Variants in DRAM1 observed in about 807,000 individuals in gnomAD.
DRAM1 encodes the protein DNA damage regulated autophagy modulator 1.
A neutral mutation model predicts 28.5 loss-of-function variants in DRAM1; 25 were observed. The observed-to-expected ratio is 0.88, with a 90% confidence interval of 0.64 to 1.23. The LOEUF is 1.23. DRAM1 is among the 50% of genes most tolerant of loss of function. DRAM1 has a pLI of 0.00. For synonymous variants in DRAM1, 113 were observed against 114.2 expected (o/e 0.99, Z 0.07); for missense variants, 249 against 299.2 (o/e 0.83, Z 1.24).
Position 101,921,304 on chromosome 12 carries a change from T to G in DRAM1, c.*44T>G. On this transcript the variant is annotated 3_prime_UTR_variant, in exon 7 of 7. Transcript: ENST00000258534. Reference sequence around the variant, plus strand: ...TCACTCAGTGAATGTCGCAGGCCATTTCTAAAAGTGCTACAGAGGACAGAC... The same window carrying G: ...TCACTCAGTGAATGTCGCAGGCCATGTCTAAAAGTGCTACAGAGGACAGAC... 6.5e-7 allele frequency: 1 copy of G among 1,530,414 alleles called. No individual in the cohort carries two copies. The highest frequency in any genetic ancestry group is 9.1e-7 in the Non-Finnish European group (1 of 1,104,022). The allele number at this position is 1,530,414 out of a possible 1,614,324, so 94.8% of individuals were successfully genotyped here. A position where few individuals can be genotyped will look rare whatever the true frequency, so the allele number is the denominator to read the frequency against.
intron 1 of DRAM1, among the ~76,000 whole-genome samples, chr12:101,896,642 C>A (rs1193411617): frequency 6.6e-6 from 1 of 152,080 alleles, no homozygotes; most frequent in Non-Finnish European, 1.5e-5. Context: ...TTTTCCAACT[C>A]ATTTAATTAA....
At chr12:101,914,103 A>G (rs1244640391) in intron 4 of DRAM1, 71 bp from the exon 5 acceptor site, 3 of 937,686 alleles carry the variant, frequency 3.2e-6, no homozygotes, top group Non-Finnish European at 4.7e-6. Flanking sequence ...TGTTATTAGG[A>G]GAATAATGTA....
At chr12:101,893,721 T>A (rs954878419) in intron 1 of DRAM1, among the ~76,000 whole-genome samples, 1 of 152,016 alleles carries the variant, frequency 6.6e-6, no homozygotes, top group African/African-American at 2.4e-5. Flanking sequence ...CACCTAATGG[T>A]GCCTGGTGGG....
chr12:101,885,288 A>G (rs1403615306), intron 1 of DRAM1, among the ~76,000 whole-genome samples: 2 of 152,192 alleles, frequency 1.3e-5, no homozygotes, highest in African/African-American at 2.4e-5. Context: ...CTTTAAAGAA[A>G]GTTTCCTTCT....
chr12:101,912,572 T>G (rs1874080900), intron 4 of DRAM1, among the ~76,000 whole-genome samples: 1 of 152,152 alleles, frequency 6.6e-6, no homozygotes, highest in African/African-American at 2.4e-5. Context: ...GAAACAGATG[T>G]GAGGTGATGA....
Position 101,903,158 on chromosome 12 carries a change from G to A in DRAM1, c.342+1725G>A, listed in dbSNP as rs943289986. ...GGTCTTGAACTCAAGTGATCTGCCTGCCTTGGCCTCCCAAAGTGCTGGGAT... is the reference window on the plus strand; with the variant it reads ...GGTCTTGAACTCAAGTGATCTGCCTACCTTGGCCTCCCAAAGTGCTGGGAT... On this transcript the variant is annotated intron_variant, in intron 3 of 6. Transcript: ENST00000258534. Among the ~76,000 whole-genome samples, 3 of 152,138 alleles carry A rather than the reference G, an allele frequency of 2.0e-5. No homozygotes were observed. The South Asian group carries it at 6.2e-4, about 31-fold the overall frequency.
intron 5 of DRAM1, among the ~76,000 whole-genome samples, chr12:101,915,785 C>T (rs909366582): frequency 6.6e-6 from 1 of 152,122 alleles, no homozygotes; most frequent in Admixed American, 6.6e-5. Context: ...TGGTCTTGAT[C>T]TCTGCACCTC....
At chr12:101,893,120 A>T (rs952657975) in intron 1 of DRAM1, among the ~76,000 whole-genome samples, 1 of 152,178 alleles carries the variant, frequency 6.6e-6, no homozygotes, top group African/African-American at 2.4e-5. Flanking sequence ...ATAGCATTTG[A>T]GGAGTTTCTA....
At chr12:101,906,043 C>G (rs1264980835) in intron 3 of DRAM1, among the ~76,000 whole-genome samples, 1 of 152,164 alleles carries the variant, frequency 6.6e-6, no homozygotes, top group African/African-American at 2.4e-5. Flanking sequence ...CTGCCTCAGC[C>G]TCCCAAAGTG....
intron 5 of DRAM1, among the ~76,000 whole-genome samples, chr12:101,919,559 G>A (rs116908064): frequency 0.01 from 1,529 of 152,224 alleles, 15 homozygotes; most frequent in Non-Finnish European, 0.016. Context: ...TCCATTATTA[G>A]CATTTTCTTT....
intron 5 of DRAM1, among the ~76,000 whole-genome samples, chr12:101,919,501 A>G (rs1275369865): frequency 1.3e-5 from 2 of 152,154 alleles, no homozygotes; most frequent in East Asian, 3.8e-4. Context: ...CTTGGCTTCC[A>G]TTCTCCCATT....
chr12:101,907,191 C>T (rs1263240410), intron 3 of DRAM1, among the ~76,000 whole-genome samples: 13 of 116,388 alleles, frequency 1.1e-4, no homozygotes, highest in Admixed American at 1.9e-4. Flanking sequence ...CGGAGTGAGA[C>T]CCTGTCTCAA....
intron 1 of DRAM1, among the ~76,000 whole-genome samples, chr12:101,895,216 T>A (rs901584162): frequency 4.2e-5 from 4 of 95,208 alleles, no homozygotes; most frequent in South Asian, 3.5e-4. Flanking sequence ...TTTTTTTTTT[T>A]ACCCAGGCTG....
At chr12:101,909,944 A>G (rs1873977519) in intron 4 of DRAM1, among the ~76,000 whole-genome samples, 1 of 152,226 alleles carries the variant, frequency 6.6e-6, no homozygotes, top group Non-Finnish European at 1.5e-5. Flanking sequence ...AATCGGAACT[A>G]TGTTATCGGC....
At chr12:101,908,925 A>C (rs2121135523) in intron 4 of DRAM1, among the ~76,000 whole-genome samples, 1 of 149,964 alleles carries the variant, frequency 6.7e-6, no homozygotes, top group South Asian at 2.1e-4. Flanking sequence ...GCAAAGGATA[A>C]CAACCAAGTT....
At chr12:101,882,400 G>A (rs1169136856) in intron 1 of DRAM1, among the ~76,000 whole-genome samples, 3 of 151,050 alleles carry the variant, frequency 2.0e-5, no homozygotes, top group Non-Finnish European at 4.4e-5. Flanking sequence ...GTGAGCCACC[G>A]CGCCCGGCCC....
At chr12:101,883,580 C>A (rs995196514) in intron 1 of DRAM1, among the ~76,000 whole-genome samples, 1 of 149,540 alleles carries the variant, frequency 6.7e-6, no homozygotes, top group African/African-American at 2.4e-5. Context: ...TCCCAAAGTG[C>A]TGGGATTACA....
chr12:101,920,114 T>C lies in DRAM1; in HGVS notation c.585T>C (p.Tyr195=). The C allele has an allele frequency of 1.3e-6, 2 of 1,599,590 alleles. No individual in the cohort carries two copies. The highest frequency in any genetic ancestry group is 1.7e-6 in the Non-Finnish European group (2 of 1,173,570). ...KLEWNPREKD[Y]VYHVVSAICE... is the part of the protein sequence containing the mutation. The stretch of plus-strand genomic sequence containing the variant: ...TTTCTTTATTATTGCATTAGGATTA[T>C]GTATATCACGTAGTGAGTGCGATCT... Residue 195 remains tyrosine, a synonymous_variant, in exon 6 of 7, where the codon TAT becomes TAC. Coordinates refer to ENST00000258534, the MANE Select transcript of DRAM1 (RefSeq NM_018370.3).
At chr12:101,892,023 C>T (rs971181853) in intron 1 of DRAM1, among the ~76,000 whole-genome samples, 28 of 152,102 alleles carry the variant, frequency 1.8e-4, no homozygotes, top group African/African-American at 6.0e-4. Flanking sequence ...AGAGGTTACC[C>T]ACAGGGTCTC....
Sources: allele counts gnomAD v4.1 joint callset (sites outside exome capture counted in the v4.1 genomes callset), GRCh38; gene constraint gnomAD v4.1.1; transcripts MANE v1.5; gene names NCBI Gene and HGNC (gene_info 2026-07-23, HGNC 2026-07-21).